CDH13: variants seen among roughly 807,000 people sequenced by gnomAD.
CDH13 encodes the protein cadherin 13.
Under a neutral mutation model 63.8 loss-of-function variants are expected in CDH13, and 24 were observed. The observed-to-expected ratio is 0.38, with a 90% CI of 0.27 to 0.53. The LOEUF is 0.53. Among genes scored for constraint, CDH13 ranks in the 20% least tolerant of loss-of-function variants. The probability of loss-of-function intolerance (pLI) is 0.85; values close to 1 mark genes in which losing one functional copy is unlikely to be tolerated. For synonymous variants in CDH13, 503 were observed against 355.3 expected (o/e 1.42, Z -4.67); for missense variants, 1,049 against 903.1 (o/e 1.16, Z -2.07).
chr16:82,845,237 G>C (rs2151140740), intron 1 of CDH13, among the ~76,000 whole-genome samples: 1 of 152,306 alleles, frequency 6.6e-6, no homozygotes, highest in South Asian at 2.1e-4. Context: ...TCTCAGACGT[G>C]TCTGTCTGCA....
intron 7 of CDH13, among the ~76,000 whole-genome samples, chr16:83,590,421 A>C (rs981138748): frequency 3.9e-5 from 6 of 152,160 alleles, no homozygotes; most frequent in Non-Finnish European, 5.9e-5. Context: ...AGAGACTCCC[A>C]GGGGCCGGCT....
intron 2 of CDH13, among the ~76,000 whole-genome samples, chr16:83,021,301 T>C (rs1426471032): frequency 6.6e-6 from 1 of 152,206 alleles, no homozygotes; most frequent in African/African-American, 2.4e-5. Flanking sequence ...TGTCAAGCAC[T>C]GTGCTATATA....
At chr16:82,640,528 T>C (rs1438876405) in intron 1 of CDH13, among the ~76,000 whole-genome samples, 1 of 152,172 alleles carries the variant, frequency 6.6e-6, no homozygotes, top group Non-Finnish European at 1.5e-5. Flanking sequence ...AGCCGATATG[T>C]AAATGAATGG....
At chr16:83,590,942 C>G (rs1906683132) in intron 7 of CDH13, among the ~76,000 whole-genome samples, 1 of 132,520 alleles carries the variant, frequency 7.5e-6, no homozygotes, top group South Asian at 2.4e-4. Context: ...GGGAGTTTCG[C>G]TCTCGTTGCC....
chr16:82,872,277 G>A (rs991191969), intron 2 of CDH13, among the ~76,000 whole-genome samples: 1 of 152,200 alleles, frequency 6.6e-6, no homozygotes, highest in Admixed American at 6.5e-5. Context: ...TGATGCTGGT[G>A]AGCAGATTGC....
rs199812399 is a variant in CDH13, at chr16:83,413,262, G to GT, written c.781+68257dup. On this transcript the variant is annotated intron_variant, in intron 6 of 13. Transcript: ENST00000567109. ...AATGCACATTCTCTTCCATCTACAG[G>GT]TCTCCCATAAAATAGCTTCAAATCT... Among the ~76,000 whole-genome samples the GT allele has an allele frequency of 9.5e-3, 1,452 of 152,146 alleles. 27 individuals are homozygous for GT. Among genetic ancestry groups the GT allele is most frequent in the African/African-American group, 0.033 (1,375 of 41,488 alleles).
intron 2 of CDH13, among the ~76,000 whole-genome samples, chr16:82,989,151 G>C (rs1183779693): frequency 3.3e-5 from 5 of 152,138 alleles, no homozygotes; most frequent in African/African-American, 1.2e-4. Context: ...AGAGAATGAA[G>C]ACTGAATGGG....
chr16:83,171,595 CTG>C (rs1567473494), intron 4 of CDH13: 2 of 1,516,740 alleles, frequency 1.3e-6, no homozygotes, highest in East Asian at 2.4e-5. Context: ...TTTGAAATAT[CTG>C]TGTCTCTATC....
chr16:83,088,986 G>GC (rs1381772233), intron 3 of CDH13, among the ~76,000 whole-genome samples: 4,607 of 152,264 alleles, frequency 0.03, 255 homozygotes, highest in African/African-American at 0.1. Flanking sequence ...GGGCAGAATT[G>GC]AGTAGTTGCA....
chr16:82,893,610 T>A (rs575891399), intron 2 of CDH13, among the ~76,000 whole-genome samples: 1 of 152,320 alleles, frequency 6.6e-6, no homozygotes, highest in East Asian at 1.9e-4. Flanking sequence ...AGAATATGGG[T>A]TGGATATGCT....
intron 5 of CDH13, among the ~76,000 whole-genome samples, chr16:83,227,738 G>A (rs2039884110): frequency 6.6e-6 from 1 of 152,152 alleles, no homozygotes; most frequent in South Asian, 2.1e-4. Context: ...GAAAACAGGG[G>A]AGCATCTGGG....
chr16:83,014,184 C>G (rs1006190674), intron 2 of CDH13, among the ~76,000 whole-genome samples: 3 of 152,036 alleles, frequency 2.0e-5, no homozygotes, highest in Admixed American at 6.6e-5. Flanking sequence ...ATAAAACAAT[C>G]TCTAACCTTC....
At chr16:83,436,024 C>T (rs1598015591) in intron 6 of CDH13, among the ~76,000 whole-genome samples, 1 of 152,158 alleles carries the variant, frequency 6.6e-6, no homozygotes, top group Non-Finnish European at 1.5e-5. Context: ...GTTGTCATGA[C>T]TCAGGGATGC....
At position 83,714,308 on chromosome 16, in the gene CDH13, T is replaced by C. The variant is rs534319613; in HGVS notation, c.1539-33800T>C. 4.6e-5 allele frequency among the ~76,000 whole-genome samples: 7 copies of C among 152,340 alleles called. No individual in the cohort carries two copies. In the South Asian group the frequency reaches 8.3e-4, roughly 18 times the overall value. Reference sequence around the variant, plus strand: ...CTGTCCCTAAAAGATTGATTTTTATTATCGGTAGAAATACTTAATAGAAAT... The same window carrying C: ...CTGTCCCTAAAAGATTGATTTTTATCATCGGTAGAAATACTTAATAGAAAT... On this transcript the variant is annotated intron_variant, in intron 10 of 13. Coordinates refer to ENST00000567109, the MANE Select transcript of CDH13 (RefSeq NM_001257.5).
chr16:83,634,168 C>T (rs531746613), intron 8 of CDH13, among the ~76,000 whole-genome samples: 3 of 147,752 alleles, frequency 2.0e-5, no homozygotes, highest in South Asian at 2.1e-4. Flanking sequence ...TGTGGTCCTA[C>T]GCATTTGATC....
chr16:83,446,332 G>A (rs965672052), intron 6 of CDH13, among the ~76,000 whole-genome samples: 5 of 150,250 alleles, frequency 3.3e-5, no homozygotes, highest in Non-Finnish European at 7.4e-5. Flanking sequence ...AAAGAAAAAA[G>A]AAAAAATTAG....
At chr16:83,468,859 C>A (rs1363069276) in intron 6 of CDH13, among the ~76,000 whole-genome samples, 2 of 152,196 alleles carry the variant, frequency 1.3e-5, no homozygotes, top group African/African-American at 2.4e-5. Flanking sequence ...ACCTATCAAC[C>A]CATCACCTAG....
chr16:82,744,317 T>C (rs188374634), intron 1 of CDH13, among the ~76,000 whole-genome samples: 255 of 152,312 alleles, frequency 1.7e-3, no homozygotes, highest in African/African-American at 5.7e-3. Context: ...TCTATTTTTC[T>C]CGCTTTTGTA....
chr16:82,955,376 G>T (rs1483014825), intron 2 of CDH13, among the ~76,000 whole-genome samples: 1 of 152,136 alleles, frequency 6.6e-6, no homozygotes, highest in East Asian at 1.9e-4. Flanking sequence ...AGTTGAGTAG[G>T]TTCTGGATTT....
Sources: allele counts gnomAD v4.1 joint callset (sites outside exome capture counted in the v4.1 genomes callset), GRCh38; gene constraint gnomAD v4.1.1; transcripts MANE v1.5; gene names NCBI Gene and HGNC (gene_info 2026-07-23, HGNC 2026-07-21).